Variants in MAP2K2 observed in about 807,000 individuals in gnomAD.
MAP2K2 encodes mitogen-activated protein kinase kinase 2, also known as dual specificity mitogen-activated protein kinase kinase 2.
MAP2K2 carries 24 observed loss-of-function variants against 43.7 expected under a neutral mutation model. The observed-to-expected ratio is 0.55, with a 90% CI of 0.40 to 0.77. MAP2K2 has a LOEUF of 0.77. Among genes scored for constraint, MAP2K2 ranks in the 30% least tolerant of loss-of-function variants. The pLI is 0.00. For synonymous variants in MAP2K2, 244 were observed against 239.7 expected, an observed-to-expected ratio of 1.02 and a Z score of -0.17; for missense variants, 470 against 566.8, an observed-to-expected ratio of 0.83 and a Z score of 1.73.
rs1179806279 is a variant in MAP2K2 at position 4,122,590 on chromosome 19, A to C, written c.92+1194T>G. 4.7e-5 allele frequency among the ~76,000 whole-genome samples: 5 copies of C among 106,852 alleles called. No individual in the cohort carries two copies. The Admixed American group carries it at 4.7e-4, about 10-fold the overall frequency. 70.1% of individuals were successfully genotyped at this position (106,852 alleles called of 152,430 possible). ...TCCTCCCAGGGACCCCCTCAACCCC[A>C]TCTCACAATTCAGGGGCCCTGCACC... On this transcript the variant is annotated intron_variant, in intron 1 of 10. Coordinates refer to ENST00000262948, the MANE Select transcript of MAP2K2 (RefSeq NM_030662.4).
chr19:4,095,536 C>A, intron 8 of MAP2K2, 87 bp from the exon 9 acceptor site: 1 of 1,140,918 alleles, frequency 8.8e-7, no homozygotes, highest in Non-Finnish European at 1.3e-6. Flanking sequence ...ACTGTCCTGT[C>A]CGGTCACCCA....
In MAP2K2 at chr19:4,118,027, T is replaced by G. The variant is rs182984043; in HGVS notation, c.93-398A>C. 2.7e-3 allele frequency among the ~76,000 whole-genome samples: 414 copies of G among 152,176 alleles called. 2 individuals carry two copies. The highest frequency in any genetic ancestry group is 9.7e-3 in the African/African-American group (402 of 41,520). The stretch of plus-strand genomic sequence containing the variant: ...ATCTCGGCTCCCTGCAACCTTGGCC[T>G]CCCGGGTTCAAGAGATTCTCCTGCC... On this transcript the variant is annotated intron_variant, in intron 1 of 10. Coordinates refer to ENST00000262948, the MANE Select transcript of MAP2K2 (RefSeq NM_030662.4).
intron 4 of MAP2K2, among the ~76,000 whole-genome samples, chr19:4,102,155 G>T (rs1158230190): frequency 6.6e-6 from 1 of 152,172 alleles, no homozygotes; most frequent in African/African-American, 2.4e-5. Flanking sequence ...AGTGAAGAGG[G>T]ACCTATAACG....
At chr19:4,094,706 GACACCCCCC>G in intron 9 of MAP2K2, 2 of 592,988 alleles carry the variant, frequency 3.4e-6, no homozygotes, top group South Asian at 2.0e-5. Context: ...CCAGGGGCAG[GACACCCCCC>G]AGCGGGAGGG....
intron 2 of MAP2K2, among the ~76,000 whole-genome samples, chr19:4,117,070 A>C (rs1428333407): frequency 1.3e-5 from 2 of 152,356 alleles, no homozygotes; most frequent in East Asian, 3.9e-4. Context: ...CATAGGCGCA[A>C]ACACACACAC....
At chr19:4,099,778 C>T in intron 6 of MAP2K2, 3 of 330,808 alleles carry the variant, frequency 9.1e-6, no homozygotes, top group South Asian at 1.0e-4. Context: ...AATCCCCAGT[C>T]GTTTCCTGAA....
intron 2 of MAP2K2, among the ~76,000 whole-genome samples, chr19:4,116,841 A>G (rs2145078752): frequency 6.6e-6 from 1 of 152,152 alleles, no homozygotes; most frequent in African/African-American, 2.4e-5. Context: ...GAGGCAAGAG[A>G]ATCCTTGAAC....
Position 4,101,372 on chromosome 19 carries a change from G to A in MAP2K2, c.529-92C>T, listed in dbSNP as rs1420926393. ...GGGTCAGAGCTGAGCAGTCAGAGCT[G>A]GAGCGAGGGAGCTGCGGCAGGAACC... On this transcript the variant is annotated intron_variant, in intron 4 of 10. Transcript: ENST00000262948. The surrounding 1 kb of genome is among the most constrained non-coding windows in gnomAD (Gnocchi z 6.3). 7.3e-7 allele frequency: 1 copy of A among 1,364,410 alleles called. No individual in the cohort carries two copies. The highest frequency in any genetic ancestry group is 1.4e-5 in the African/African-American group (1 of 69,256). The allele number at this position is 1,364,410 out of a possible 1,614,324, so 84.5% of individuals were successfully genotyped here. A position where few individuals can be genotyped will look rare whatever the true frequency, so the allele number is the denominator to read the frequency against.
chr19:4,095,364 T>C, intron 9 of MAP2K2, 24 bp downstream of exon 9: 1 of 1,548,822 alleles, frequency 6.5e-7, no homozygotes, highest in Non-Finnish European at 8.7e-7. Context: ...CGGCCAGGGG[T>C]GTGGGCAGCC....
At chr19:4,106,261 TA>T (rs750596184) in intron 3 of MAP2K2, among the ~76,000 whole-genome samples, 22 of 151,948 alleles carry the variant, frequency 1.4e-4, no homozygotes, top group Non-Finnish European at 3.2e-4. Context: ...GCAAATAAAT[TA>T]GCTGTGCATG....
At chr19:4,110,482 C>T (rs1161101680) in intron 3 of MAP2K2, 27 bp downstream of exon 3, 4 of 1,611,418 alleles carry the variant, frequency 2.5e-6, no homozygotes, top group Admixed American at 1.7e-5. Context: ...GAGGCCCTGC[C>T]CCTGCCCCTG....
chr19:4,116,250 C>T (rs968697964), intron 2 of MAP2K2, among the ~76,000 whole-genome samples: 1 of 152,160 alleles, frequency 6.6e-6, no homozygotes, highest in African/African-American at 2.4e-5. Flanking sequence ...GAAAAGCCTG[C>T]CCAGGCGCGG....
At position 4,101,874 on chromosome 19, in the gene MAP2K2, A is replaced by G. The variant is rs935050353; in HGVS notation, c.528+502T>C. ...CGGGACTCGGCCCCTGCTATGGACAAGGTGCAAGCTCCAAGAAGCAACACG... is the reference window on the plus strand; with the variant it reads ...CGGGACTCGGCCCCTGCTATGGACAGGGTGCAAGCTCCAAGAAGCAACACG... On this transcript the variant is annotated intron_variant, in intron 4 of 10. Transcript: ENST00000262948. The surrounding 1 kb of genome is among the most constrained non-coding windows in gnomAD (Gnocchi z 6.3). 3.3e-5 allele frequency among the ~76,000 whole-genome samples: 5 copies of G among 152,162 alleles called. No homozygotes were observed. The highest frequency in any genetic ancestry group is 9.7e-5 in the African/African-American group (4 of 41,444).
In MAP2K2 at chr19:4,110,512, G is replaced by A. The variant is rs771338833; in HGVS notation, c.447C>T (p.His149=). Reference sequence around the variant, plus strand: ...CCCCTGCCCCGGACGCACTCACCATGTGTTCCATGCAAATGCTGATCTCCC... The same window carrying A: ...CCCCTGCCCCGGACGCACTCACCATATGTTCCATGCAAATGCTGATCTCCC... ...SDGEISICME[H]MDGGSLDQVL... is the part of the protein sequence containing the mutation. Residue 149 remains histidine (H), a synonymous_variant, in exon 3 of 11, where the codon CAC becomes CAT. Coordinates refer to ENST00000262948, the MANE Select transcript of MAP2K2 (RefSeq NM_030662.4). 9 of 1,613,554 alleles carry A rather than the reference G, an allele frequency of 5.6e-6. No individual in the cohort carries two copies. Among genetic ancestry groups the A allele is most frequent in the Non-Finnish European group, 7.6e-6 (9 of 1,180,020 alleles).
At chr19:4,104,319 A>G (rs1251411760) in intron 3 of MAP2K2, among the ~76,000 whole-genome samples, 1 of 149,836 alleles carries the variant, frequency 6.7e-6, no homozygotes, top group Non-Finnish European at 1.5e-5. Context: ...TAATCCTACC[A>G]CTTTGGGAGG....
At chr19:4,111,134 G>A (rs1461137343) in intron 2 of MAP2K2, among the ~76,000 whole-genome samples, 1 of 152,176 alleles carries the variant, frequency 6.6e-6, no homozygotes, top group Non-Finnish European at 1.5e-5. Context: ...GGGGCTGGAG[G>A]AGGGGATGGG....
chr19:4,114,831 A>G (rs566553575), intron 2 of MAP2K2, among the ~76,000 whole-genome samples: 132 of 152,246 alleles, frequency 8.7e-4, no homozygotes, highest in Admixed American at 1.4e-3. Context: ...TCAGGAGGCT[A>G]AGGGAGGAGA....
chr19:4,101,514 G>A lies in MAP2K2; in HGVS notation c.529-234C>T, dbSNP rs1048523354. 3.3e-5 allele frequency among the ~76,000 whole-genome samples: 5 copies of A among 152,188 alleles called. No homozygotes were observed. The highest frequency in any genetic ancestry group is 6.5e-5 in the Admixed American group (1 of 15,286). ...CCCCGGTTCCCATGGCCGCAGTGCCGCCGATGCCACTACTGCCTTTGATTC... is the reference window on the plus strand; with the variant it reads ...CCCCGGTTCCCATGGCCGCAGTGCCACCGATGCCACTACTGCCTTTGATTC... On this transcript the variant is annotated intron_variant, in intron 4 of 10. Coordinates refer to ENST00000262948, the MANE Select transcript of MAP2K2 (RefSeq NM_030662.4). The surrounding 1 kb of genome is among the most constrained non-coding windows in gnomAD (Gnocchi z 6.3).
rs2041035853 is a variant in MAP2K2, at chr19:4,102,936, G to C, written c.451-483C>G. On this transcript the variant is annotated intron_variant, in intron 3 of 10. Transcript: ENST00000262948. ...GGGTGAGGGCGCGGAGGAGACGCGG[G>C]TGCTGCCCCGCGTGGGAGGAGGCGG... 6.3e-6 allele frequency: 7 copies of C among 1,119,830 alleles called. No homozygotes were observed. The South Asian group carries it at 1.3e-4, about 20-fold the overall frequency. The allele number at this position is 1,119,830 out of a possible 1,614,324, so 69.4% of individuals were successfully genotyped here.
Sources: allele counts gnomAD v4.1 joint callset (sites outside exome capture counted in the v4.1 genomes callset), GRCh38; gene constraint gnomAD v4.1.1; non-coding constraint Gnocchi (gnomAD v3.1); transcripts MANE v1.5; gene names NCBI Gene and HGNC (gene_info 2026-07-23, HGNC 2026-07-21).